Variants in RPS6KA2 observed in about 807,000 individuals in gnomAD.
The protein encoded by RPS6KA2 is ribosomal protein S6 kinase A2, also known as ribosomal protein S6 kinase alpha-2.
In RPS6KA2, 42 loss-of-function variants were observed where a neutral mutation model predicts 91.8. The ratio of observed to expected loss-of-function variants is 0.46; its 90% CI spans 0.36 to 0.59. The LOEUF (loss-of-function observed/expected upper bound fraction) is 0.59, where lower values mean the gene tolerates loss of function less well. Among genes scored for constraint, RPS6KA2 ranks in the 20% least tolerant of loss-of-function variants. RPS6KA2 has a pLI of 0.00. For synonymous variants in RPS6KA2, 414 were observed against 393.6 expected (o/e 1.05, Z -0.61); for missense variants, 798 against 978.5 (o/e 0.82, Z 2.46).
chr6:166,457,092 T>C (rs985132946), intron 12 of RPS6KA2, among the ~76,000 whole-genome samples: 5 of 152,232 alleles, frequency 3.3e-5, no homozygotes, highest in African/African-American at 1.2e-4. Context: ...AAACATAGAC[T>C]TTCTTTCCAC....
At chr6:166,782,767 G>A (rs1217125029) in intron 2 of RPS6KA2, among the ~76,000 whole-genome samples, 1 of 152,180 alleles carries the variant, frequency 6.6e-6, no homozygotes, top group African/African-American at 2.4e-5. Context: ...AGCTCAGCCC[G>A]GATGCAACAG....
At chr6:166,588,111 C>T (rs901919622) in intron 1 of RPS6KA2, among the ~76,000 whole-genome samples, 1 of 152,152 alleles carries the variant, frequency 6.6e-6, no homozygotes, top group Admixed American at 6.5e-5. Context: ...TTTTGCTCCC[C>T]AATGTACACA....
rs1192533530 is a variant in RPS6KA2 at position 166,821,787 on chromosome 6, C to T, written c.123+36413G>A. Among the ~76,000 whole-genome samples, 1 of 152,208 alleles carries T rather than the reference C, an allele frequency of 6.6e-6. No individual in the cohort carries two copies. Among genetic ancestry groups the T allele is most frequent in the Non-Finnish European group, 1.5e-5 (1 of 68,034 alleles). ...CCCTTCTGTGACCTCCCTCCTAAGG[C>T]CGCCTACTTGCCCTCTCCACCTGTC... On this transcript the variant is annotated intron_variant, in intron 2 of 21. Transcript: ENST00000503859. The surrounding 1 kb of genome is among the most constrained non-coding windows in gnomAD (Gnocchi z 4.1).
At chr6:166,512,151 A>G (rs1782495624) in intron 3 of RPS6KA2, among the ~76,000 whole-genome samples, 1 of 152,228 alleles carries the variant, frequency 6.6e-6, no homozygotes, top group African/African-American at 2.4e-5. Context: ...TCTAAAAAAG[A>G]GTAAAATTCT....
intron 2 of RPS6KA2, among the ~76,000 whole-genome samples, chr6:166,634,382 C>T (rs1170605622): frequency 1.3e-5 from 2 of 152,188 alleles, no homozygotes; most frequent in Admixed American, 1.3e-4. Flanking sequence ...GTCCTTGCGT[C>T]CACAGGCGCC....
intron 2 of RPS6KA2, among the ~76,000 whole-genome samples, chr6:166,725,270 T>C (rs1405257529): frequency 2.6e-5 from 4 of 152,228 alleles, no homozygotes; most frequent in African/African-American, 9.6e-5. Flanking sequence ...ATGTCTCAGT[T>C]TTCTTTCTCC....
chr6:166,741,612 A>ACTG (rs1790818510), intron 2 of RPS6KA2, among the ~76,000 whole-genome samples: 1 of 152,240 alleles, frequency 6.6e-6, no homozygotes, highest in African/African-American at 2.4e-5. Flanking sequence ...GTGCTGAGGG[A>ACTG]TCACCCACTG....
In RPS6KA2 at chr6:166,681,559, C is replaced by T. The variant is rs79206486; in HGVS notation, c.124-142775G>A. On this transcript the variant is annotated intron_variant, in intron 2 of 21. Transcript: ENST00000503859. Reference sequence around the variant, plus strand: ...GGTGGCCCCAGGAAGGCTGAGCTCTCTCCCTGCAAGTTGCACCAGGATTCT... The same window carrying T: ...GGTGGCCCCAGGAAGGCTGAGCTCTTTCCCTGCAAGTTGCACCAGGATTCT... Among the ~76,000 whole-genome samples, 370 of 152,204 alleles carry T rather than the reference C, an allele frequency of 2.4e-3. 7 individuals carry two copies. Among genetic ancestry groups the T allele is most frequent in the Admixed American group, 0.021 (323 of 15,302 alleles).
chr6:166,544,821 T>TG (rs1783774119), intron 1 of RPS6KA2: 1 of 152,224 alleles, frequency 6.6e-6, no homozygotes. Context: ...CAGCTGCATT[T>TG]GTCCAATCAA....
At chr6:166,751,044 C>A (rs1444633103) in intron 2 of RPS6KA2, among the ~76,000 whole-genome samples, 1 of 152,212 alleles carries the variant, frequency 6.6e-6, no homozygotes, top group African/African-American at 2.4e-5. Flanking sequence ...CATCCCCTAA[C>A]TCAGCACCTC....
At chr6:166,498,794 C>A in intron 7 of RPS6KA2, 144 bp from the exon 8 acceptor site, 3 of 1,061,224 alleles carry the variant, frequency 2.8e-6, no homozygotes, top group Non-Finnish European at 4.1e-6. Context: ...AAAGCGGGAC[C>A]ATGTGAGTGC....
chr6:166,522,460 G>T (rs1254303925), intron 3 of RPS6KA2, among the ~76,000 whole-genome samples: 7 of 152,216 alleles, frequency 4.6e-5, no homozygotes, highest in Middle Eastern at 3.2e-3. Flanking sequence ...TGACCTGAAG[G>T]CCTGGCAGTC....
intron 13 of RPS6KA2, among the ~76,000 whole-genome samples, chr6:166,449,944 C>A (rs76921227): frequency 0.013 from 1,145 of 87,792 alleles, 1 homozygote; most frequent in Middle Eastern, 0.051. Context: ...GGGACCACCA[C>A]AGGAACCACT....
At chr6:166,855,134 A>G (rs1780852040) in intron 2 of RPS6KA2, among the ~76,000 whole-genome samples, 4 of 152,200 alleles carry the variant, frequency 2.6e-5, no homozygotes, top group Non-Finnish European at 1.5e-5. Context: ...AAGAATGAGC[A>G]CACGTGAACA....
At chr6:166,592,646 C>T (rs193221870) in intron 1 of RPS6KA2, among the ~76,000 whole-genome samples, 55 of 151,226 alleles carry the variant, frequency 3.6e-4, no homozygotes, top group Non-Finnish European at 5.9e-4. Context: ...CAGAAAGGGA[C>T]GGGGGAGGGC....
intron 3 of RPS6KA2, among the ~76,000 whole-genome samples, chr6:166,520,565 T>C (rs986957649): frequency 2.0e-5 from 3 of 152,280 alleles, no homozygotes; most frequent in African/African-American, 4.8e-5. Flanking sequence ...TCCTGAATAA[T>C]ACAGAATTTG....
intron 19 of RPS6KA2, among the ~76,000 whole-genome samples, chr6:166,414,637 C>CAAAT (rs1440280274): frequency 3.3e-5 from 5 of 152,228 alleles, no homozygotes; most frequent in African/African-American, 1.2e-4. Context: ...GTAAATGGGG[C>CAAAT]AAATATTACT....
At chr6:166,461,478 G>C (rs1209021933) in intron 11 of RPS6KA2, among the ~76,000 whole-genome samples, 1 of 147,888 alleles carries the variant, frequency 6.8e-6, no homozygotes, top group Non-Finnish European at 1.5e-5. Context: ...CTCTGTGTGA[G>C]AGCAAGCGAG....
intron 2 of RPS6KA2, among the ~76,000 whole-genome samples, chr6:166,847,759 T>C (rs1201939094): frequency 6.6e-6 from 1 of 152,068 alleles, no homozygotes; most frequent in African/African-American, 2.4e-5. Context: ...AAAAATTTAC[T>C]CAAGATGGAT....
Sources: allele counts gnomAD v4.1 joint callset (sites outside exome capture counted in the v4.1 genomes callset), GRCh38; gene constraint gnomAD v4.1.1; non-coding constraint Gnocchi (gnomAD v3.1); transcripts MANE v1.5; gene names NCBI Gene and HGNC (gene_info 2026-07-23, HGNC 2026-07-21).